NCKAP5: variants seen among roughly 807,000 people sequenced by gnomAD.
The protein encoded by NCKAP5 is NCK associated protein 5, also known as nck-associated protein 5.
Under a neutral mutation model 167.0 loss-of-function variants are expected in NCKAP5, and 92 were observed. The ratio of observed to expected loss-of-function variants is 0.55; its 90% CI spans 0.47 to 0.66. NCKAP5 has a LOEUF of 0.66. Ranked by LOEUF, NCKAP5 falls within the 30% of genes least tolerant of loss-of-function variation. The probability of loss-of-function intolerance (pLI) is 0.00; values close to 1 mark genes in which losing one functional copy is unlikely to be tolerated. For synonymous variants in NCKAP5, 891 were observed against 877.4 expected, an observed-to-expected ratio of 1.02 and a Z score of -0.27; for missense variants, 2,378 against 2,315.0, an observed-to-expected ratio of 1.03 and a Z score of -0.56.
chr2:133,350,505 T>A (rs780509472), intron 3 of NCKAP5, among the ~76,000 whole-genome samples: 1 of 152,170 alleles, frequency 6.6e-6, no homozygotes, highest in Non-Finnish European at 1.5e-5. Context: ...TAGCTTCCCA[T>A]CACTCTTAGA....
intron 5 of NCKAP5, among the ~76,000 whole-genome samples, chr2:133,180,210 CCAGT>C (rs2084669255): frequency 6.6e-6 from 1 of 152,058 alleles, no homozygotes; most frequent in African/African-American, 2.4e-5. Flanking sequence ...AATCCTATAC[CCAGT>C]CAAAGTATCC....
At chr2:132,982,966 A>G (rs891176195) in intron 7 of NCKAP5, among the ~76,000 whole-genome samples, 1 of 152,042 alleles carries the variant, frequency 6.6e-6, no homozygotes, top group Non-Finnish European at 1.5e-5. Context: ...TGTCTTTCCA[A>G]TTGTTTGTGT....
At chr2:133,399,357 A>G (rs1022025616) in intron 3 of NCKAP5, among the ~76,000 whole-genome samples, 4 of 151,904 alleles carry the variant, frequency 2.6e-5, no homozygotes, top group Admixed American at 6.6e-5. Flanking sequence ...CATTGCACAG[A>G]TTAAGAATGA....
chr2:133,665,342 A>G, the NCKAP5 span, among the ~76,000 whole-genome samples: 2 of 152,182 alleles, frequency 1.3e-5, no homozygotes, highest in South Asian at 4.1e-4. Context: ...TGAACACTTT[A>G]CAGCCATTGT....
intron 8 of NCKAP5, among the ~76,000 whole-genome samples, chr2:132,899,745 C>G (rs112523704): frequency 6.6e-6 from 1 of 152,102 alleles, no homozygotes. Flanking sequence ...TGTGGTGTCA[C>G]ACACCTGTAA....
At chr2:132,969,934 T>A (rs917579592) in intron 7 of NCKAP5, among the ~76,000 whole-genome samples, 1 of 152,178 alleles carries the variant, frequency 6.6e-6, no homozygotes, top group African/African-American at 2.4e-5. Context: ...TGTTTCTTAA[T>A]CATTTACCAG....
intron 11 of NCKAP5, among the ~76,000 whole-genome samples, chr2:132,831,269 CTT>C (rs1210222743): frequency 6.6e-6 from 1 of 152,296 alleles, no homozygotes; most frequent in African/African-American, 2.4e-5. Context: ...CATTCTAAAA[CTT>C]AAATATCTAC....
chr2:133,035,717 G>A (rs1427849333), intron 6 of NCKAP5, among the ~76,000 whole-genome samples: 1 of 151,558 alleles, frequency 6.6e-6, no homozygotes, highest in African/African-American at 2.4e-5. Flanking sequence ...GATATAAGTG[G>A]CTATGTCTAA....
intron 6 of NCKAP5, among the ~76,000 whole-genome samples, chr2:133,048,766 T>C (rs1257394858): frequency 6.6e-6 from 1 of 152,226 alleles, no homozygotes; most frequent in Non-Finnish European, 1.5e-5. Context: ...ACTACTCATT[T>C]TTACAAAGGG....
At chr2:133,086,664 T>A (rs1391404215) in intron 6 of NCKAP5, among the ~76,000 whole-genome samples, 1 of 152,030 alleles carries the variant, frequency 6.6e-6, no homozygotes, top group Non-Finnish European at 1.5e-5. Context: ...TAAAAAAAAA[T>A]TTCTGATCCA....
intron 3 of NCKAP5, among the ~76,000 whole-genome samples, chr2:133,489,214 AGAAACTATAGGCATACATACTTATCT>A (rs1285840930): frequency 2.6e-5 from 4 of 152,248 alleles, no homozygotes; most frequent in Non-Finnish European, 5.9e-5. Context: ...GTTAACAAAA[AGAAACTATAGGCATACATACTTATCT>A]GAAATGAGGA....
At chr2:133,546,975 T>C (rs58485688) in intron 2 of NCKAP5, among the ~76,000 whole-genome samples, 41,833 of 151,996 alleles carry the variant, frequency 0.28, 6,279 homozygotes, top group East Asian at 0.38. Context: ...ACCGGGTTTA[T>C]CTCACTAGGG....
chr2:133,308,689 C>CTTTTTT lies in NCKAP5; in HGVS notation c.70-5585_70-5580dup, dbSNP rs35760716. ...TTTTTTCGTTTGAAGAAATACAATT[C>CTTTTTT]TTTTTTTTTTTTTTTTTTTTTTTTT... is the stretch of plus-strand genomic sequence containing the variant. On this transcript the variant is annotated intron_variant, in intron 3 of 19. Coordinates refer to ENST00000409261, the MANE Select transcript of NCKAP5 (RefSeq NM_207363.3). Among the ~76,000 whole-genome samples, 113 of 59,288 alleles carry CTTTTTT rather than the reference C, an allele frequency of 1.9e-3. 2 individuals are homozygous for CTTTTTT. The highest frequency in any genetic ancestry group is 2.6e-3 in the Non-Finnish European group (78 of 29,638). 38.9% of individuals were successfully genotyped at this position (59,288 alleles called of 152,430 possible). A position where few individuals can be genotyped will look rare whatever the true frequency, so the allele number is the denominator to read the frequency against.
At chr2:133,259,729 G>C (rs901353630) in intron 4 of NCKAP5, among the ~76,000 whole-genome samples, 1 of 152,182 alleles carries the variant, frequency 6.6e-6, no homozygotes, top group Non-Finnish European at 1.5e-5. Flanking sequence ...TCCCTAATCT[G>C]ATCTAAAGTA....
chr2:132,680,919 G>C (rs142874692), intron 19 of NCKAP5, among the ~76,000 whole-genome samples: 2 of 152,104 alleles, frequency 1.3e-5, no homozygotes, highest in African/African-American at 4.8e-5. Flanking sequence ...TGTTTTCCAG[G>C]GGGGAACAGA....
rs572642348 is a variant in NCKAP5, at chr2:133,286,091, G to T, written c.143+16946C>A. Among the ~76,000 whole-genome samples, 37 of 151,998 alleles carry T rather than the reference G, an allele frequency of 2.4e-4. No individual in the cohort carries two copies. In the East Asian group the frequency reaches 6.0e-3, roughly 25 times the overall value. On this transcript the variant is annotated intron_variant, in intron 4 of 19. Coordinates refer to ENST00000409261, the MANE Select transcript of NCKAP5 (RefSeq NM_207363.3). ...GCTCATTGCAAGCTCCACCTTCTGGGTTCACACCATTCTCCTGCCTCAGTC... is the reference window on the plus strand; with the variant it reads ...GCTCATTGCAAGCTCCACCTTCTGGTTTCACACCATTCTCCTGCCTCAGTC...
At chr2:133,324,896 C>T (rs924054848) in intron 3 of NCKAP5, among the ~76,000 whole-genome samples, 3 of 152,126 alleles carry the variant, frequency 2.0e-5, no homozygotes, top group Non-Finnish European at 2.9e-5. Flanking sequence ...GTAGTAGAGA[C>T]GGAGTTTCAC....
chr2:133,581,363 G>C, the NCKAP5 span, among the ~76,000 whole-genome samples: 1 of 152,162 alleles, frequency 6.6e-6, no homozygotes, highest in Admixed American at 6.5e-5. Context: ...CCTATGGAGA[G>C]TGAAGAACAT....
intron 3 of NCKAP5, among the ~76,000 whole-genome samples, chr2:133,334,474 G>A (rs896737645): frequency 6.6e-6 from 1 of 152,074 alleles, no homozygotes; most frequent in Non-Finnish European, 1.5e-5. Context: ...GATTTTAAAA[G>A]CTATTGATCA....
Sources: allele counts gnomAD v4.1 joint callset (sites outside exome capture counted in the v4.1 genomes callset), GRCh38; gene constraint gnomAD v4.1.1; transcripts MANE v1.5; gene names NCBI Gene and HGNC (gene_info 2026-07-23, HGNC 2026-07-21).